The following AUTS2 variants were observed in gnomAD, a reference collection of about 807,000 sequenced individuals.
The protein encoded by AUTS2 is activator of transcription and developmental regulator AUTS2.
AUTS2 carries 17 observed loss-of-function variants against 112.4 expected under a neutral mutation model. The observed-to-expected ratio is 0.15, with a 90% CI of 0.10 to 0.23. The LOEUF (loss-of-function observed/expected upper bound fraction) is 0.23, where lower values mean the gene tolerates loss of function less well. Among genes scored for constraint, AUTS2 ranks in the 10% least tolerant of loss-of-function variants. The probability of loss-of-function intolerance (pLI) is 1.00; values close to 1 mark genes in which losing one functional copy is unlikely to be tolerated. For missense variants in AUTS2, 1,510 were observed against 1,701.6 expected, an observed-to-expected ratio of 0.89 and a Z score of 1.98; for synonymous variants, 751 against 702.7, an observed-to-expected ratio of 1.07 and a Z score of -1.09.
intron 4 of AUTS2, among the ~76,000 whole-genome samples, chr7:70,238,295 A>G (rs530139967): frequency 3.8e-4 from 58 of 152,212 alleles, no homozygotes; most frequent in Non-Finnish European, 7.8e-4. Flanking sequence ...ATTGTGTTTC[A>G]TTATGTCTCC....
intron 5 of AUTS2, among the ~76,000 whole-genome samples, chr7:70,609,425 C>G (rs569582230): frequency 7.3e-6 from 1 of 137,308 alleles, no homozygotes; most frequent in East Asian, 2.2e-4. Context: ...GACAGAGTCT[C>G]ACTCTGTCTC....
intron 2 of AUTS2, among the ~76,000 whole-genome samples, chr7:70,105,838 G>C (rs1804739963): frequency 6.6e-6 from 1 of 152,100 alleles, no homozygotes; most frequent in South Asian, 2.1e-4. Context: ...ACCTGTGCAT[G>C]AGATCCCAAT....
intron 5 of AUTS2, among the ~76,000 whole-genome samples, chr7:70,667,346 G>A (rs576690131): frequency 9.2e-5 from 14 of 152,304 alleles, no homozygotes; most frequent in African/African-American, 3.4e-4. Flanking sequence ...CCTGTGCTGA[G>A]AAAGAAACTG....
At chr7:70,331,464 GTCTA>G (rs781154497) in intron 4 of AUTS2, among the ~76,000 whole-genome samples, 15 of 150,106 alleles carry the variant, frequency 1.0e-4, no homozygotes, top group African/African-American at 2.4e-4. Context: ...CTGGCTAGTG[GTCTA>G]TCTATTTTTG....
At chr7:69,753,454 G>T (rs368656763) in intron 1 of AUTS2, among the ~76,000 whole-genome samples, 16 of 152,100 alleles carry the variant, frequency 1.1e-4, no homozygotes, top group Admixed American at 1.0e-3. Flanking sequence ...TTCCCCAGTG[G>T]CTCACAAGCC....
intron 1 of AUTS2, among the ~76,000 whole-genome samples, chr7:69,772,119 A>G (rs1788692223): frequency 1.3e-5 from 2 of 152,102 alleles, no homozygotes; most frequent in African/African-American, 4.8e-5. Context: ...AAGAAACAGA[A>G]ATGGGGATCC....
intron 5 of AUTS2, among the ~76,000 whole-genome samples, chr7:70,623,264 C>T (rs551244102): frequency 1.7e-4 from 26 of 152,210 alleles, no homozygotes; most frequent in Non-Finnish European, 2.6e-4. Flanking sequence ...AAGTGCCTGA[C>T]AGGAGTTTCC....
At chr7:70,706,472 G>C (rs1809744180) in intron 6 of AUTS2, among the ~76,000 whole-genome samples, 1 of 152,172 alleles carries the variant, frequency 6.6e-6, no homozygotes, top group African/African-American at 2.4e-5. Flanking sequence ...GGAAGGAAGG[G>C]AAAGCAAACC....
chr7:69,619,766 G>C (rs754130850), intron 1 of AUTS2, among the ~76,000 whole-genome samples: 8 of 152,146 alleles, frequency 5.3e-5, no homozygotes, highest in Non-Finnish European at 1.0e-4. Flanking sequence ...GATAAAAACA[G>C]TGAACTAAAC....
intron 2 of AUTS2, among the ~76,000 whole-genome samples, chr7:69,910,686 T>C (rs1009437737): frequency 4.6e-5 from 7 of 152,160 alleles, no homozygotes; most frequent in Non-Finnish European, 7.4e-5. Flanking sequence ...TGGAGTGTAG[T>C]GGTGTGATCT....
chr7:70,768,877 C>CTTTT (rs66614263), intron 10 of AUTS2, among the ~76,000 whole-genome samples: 3 of 108,216 alleles, frequency 2.8e-5, no homozygotes, highest in Non-Finnish European at 3.7e-5. Context: ...CCAGTGATTT[C>CTTTT]TTTTTTTTTT....
chr7:70,635,161 T>C (rs2129539163), intron 5 of AUTS2, among the ~76,000 whole-genome samples: 1 of 152,312 alleles, frequency 6.6e-6, no homozygotes, highest in African/African-American at 2.4e-5. Context: ...GAGGTTGGCT[T>C]CTGCTGCAGG....
chr7:69,627,086 G>A (rs535701214), intron 1 of AUTS2, among the ~76,000 whole-genome samples: 4 of 152,272 alleles, frequency 2.6e-5, no homozygotes, highest in African/African-American at 9.6e-5. Context: ...TCATTCATTC[G>A]TCACTTTCTT....
At chr7:70,445,373 G>T (rs1333544575) in intron 5 of AUTS2, among the ~76,000 whole-genome samples, 1 of 152,124 alleles carries the variant, frequency 6.6e-6, no homozygotes, top group Non-Finnish European at 1.5e-5. Flanking sequence ...TCCCCTCTGT[G>T]TCTCACCTAC....
At chr7:69,872,442 A>T (rs1366065571) in intron 1 of AUTS2, among the ~76,000 whole-genome samples, 1 of 152,198 alleles carries the variant, frequency 6.6e-6, no homozygotes, top group Admixed American at 6.5e-5. Context: ...GTTGTGTCTG[A>T]ATGTGAACCT....
At chr7:69,606,098 T>C (rs375627968) in intron 1 of AUTS2, among the ~76,000 whole-genome samples, 1 of 152,272 alleles carries the variant, frequency 6.6e-6, no homozygotes, top group Non-Finnish European at 1.5e-5. Flanking sequence ...AAATGAATTA[T>C]GAGGTTAGGA....
At chr7:70,581,652 A>G (rs1472508991) in intron 5 of AUTS2, among the ~76,000 whole-genome samples, 1 of 151,420 alleles carries the variant, frequency 6.6e-6, no homozygotes, top group African/African-American at 2.4e-5. Flanking sequence ...ACTCTCACCC[A>G]CCTGACCCCT....
intron 5 of AUTS2, among the ~76,000 whole-genome samples, chr7:70,670,044 A>G (rs1807554636): frequency 6.6e-6 from 1 of 152,208 alleles, no homozygotes; most frequent in Non-Finnish European, 1.5e-5. Flanking sequence ...CCACAAAGTA[A>G]CGTTCACTGT....
intron 1 of AUTS2, among the ~76,000 whole-genome samples, chr7:69,882,668 G>A (rs1373258731): frequency 2.0e-5 from 3 of 152,114 alleles, no homozygotes; most frequent in African/African-American, 4.8e-5. Context: ...AATCCTAATA[G>A]CTGCTTCATA....
Sources: allele counts gnomAD v4.1 joint callset (sites outside exome capture counted in the v4.1 genomes callset), GRCh38; gene constraint gnomAD v4.1.1; transcripts MANE v1.5; gene names NCBI Gene and HGNC (gene_info 2026-07-23, HGNC 2026-07-21).